Variants in JARID2 observed in about 807,000 individuals in gnomAD.
JARID2 encodes the protein jumonji and AT-rich interaction domain containing 2, also known as protein Jumonji.
JARID2 carries 21 observed loss-of-function variants against 125.6 expected under a neutral mutation model. That is an observed-to-expected ratio of 0.17 (90% confidence interval 0.12 to 0.24). The LOEUF (loss-of-function observed/expected upper bound fraction) is 0.24. JARID2 is among the 10% of genes least tolerant of loss of function. The pLI is 1.00. For synonymous variants in JARID2, 736 were observed against 661.6 expected, an observed-to-expected ratio of 1.11 and a Z score of -1.73; for missense variants, 1,303 against 1,639.6, an observed-to-expected ratio of 0.79 and a Z score of 3.55.
At chr6:15,383,220 CAA>C (rs1424532988) in intron 2 of JARID2, among the ~76,000 whole-genome samples, 2 of 151,428 alleles carry the variant, frequency 1.3e-5, no homozygotes, top group African/African-American at 4.9e-5. Context: ...AGGCTGGCCT[CAA>C]ACCCCTGGGC....
intron 1 of JARID2, among the ~76,000 whole-genome samples, chr6:15,299,896 C>T (rs564871687): frequency 1.8e-4 from 28 of 152,318 alleles, no homozygotes; most frequent in African/African-American, 6.5e-4. Flanking sequence ...ACTTTACCCA[C>T]TGTCCCTTAG....
At chr6:15,470,113 G>A (rs1397906151) in intron 5 of JARID2, among the ~76,000 whole-genome samples, 1 of 150,728 alleles carries the variant, frequency 6.6e-6, no homozygotes, top group Non-Finnish European at 1.5e-5. Flanking sequence ...GGAGGCGGAG[G>A]TTGCAGTGAG....
At chr6:15,330,867 CAG>C (rs1238093779) in intron 1 of JARID2, among the ~76,000 whole-genome samples, 1 of 152,136 alleles carries the variant, frequency 6.6e-6, no homozygotes, top group Non-Finnish European at 1.5e-5. Context: ...CTTGGGGAGA[CAG>C]AATACTTCAA....
intron 1 of JARID2, among the ~76,000 whole-genome samples, chr6:15,312,753 C>T (rs1762056976): frequency 6.6e-6 from 1 of 151,988 alleles, no homozygotes; most frequent in Admixed American, 6.5e-5. Context: ...TTCTTTTTTT[C>T]CCTGTAAGCC....
chr6:15,432,795 T>G (rs1172524066), intron 3 of JARID2, among the ~76,000 whole-genome samples: 1 of 152,216 alleles, frequency 6.6e-6, no homozygotes, highest in East Asian at 1.9e-4. Flanking sequence ...TAAAGTTAGA[T>G]GTTTGGTTTG....
chr6:15,481,325 T>A (rs1366702362), intron 5 of JARID2, among the ~76,000 whole-genome samples: 1 of 152,254 alleles, frequency 6.6e-6, no homozygotes, highest in African/African-American at 2.4e-5. Flanking sequence ...ATGAATGCTT[T>A]TTTTCTCTCC....
At chr6:15,469,294 CTCTG>C (rs1273841445) in intron 5 of JARID2, among the ~76,000 whole-genome samples, 5 of 71,542 alleles carry the variant, frequency 7.0e-5, no homozygotes, top group African/African-American at 2.6e-4. Flanking sequence ...GTCTCTGTCT[CTCTG>C]TCTCTGTCTC....
At chr6:15,378,555 A>T (rs1377181552) in intron 2 of JARID2, among the ~76,000 whole-genome samples, 1 of 152,134 alleles carries the variant, frequency 6.6e-6, no homozygotes, top group Admixed American at 6.5e-5. Context: ...TATGACTGTT[A>T]GATGTGGTAG....
At chr6:15,507,474 G>A in intron 11 of JARID2, 58 bp downstream of exon 11, 1 of 1,453,168 alleles carries the variant, frequency 6.9e-7, no homozygotes, top group Non-Finnish European at 9.6e-7. Flanking sequence ...CCTACTTGCT[G>A]AGAACCAGGG....
At chr6:15,434,703 C>T (rs1346935857) in intron 3 of JARID2, among the ~76,000 whole-genome samples, 3 of 152,208 alleles carry the variant, frequency 2.0e-5, no homozygotes, top group Non-Finnish European at 4.4e-5. Flanking sequence ...ACTCAAGTCA[C>T]TAAATACCCT....
chr6:15,300,768 G>T (rs1316011025), intron 1 of JARID2, among the ~76,000 whole-genome samples: 1 of 150,820 alleles, frequency 6.6e-6, no homozygotes, highest in Non-Finnish European at 1.5e-5. Flanking sequence ...GAGGGGTGGA[G>T]AAAGGGAGCA....
intron 1 of JARID2, among the ~76,000 whole-genome samples, chr6:15,268,655 C>T (rs1273377193): frequency 3.3e-5 from 5 of 152,178 alleles, no homozygotes; most frequent in Non-Finnish European, 7.3e-5. Flanking sequence ...TTTTGCAGCT[C>T]TTTCACATGC....
intron 1 of JARID2, among the ~76,000 whole-genome samples, chr6:15,371,225 A>C (rs1352240503): frequency 6.6e-6 from 1 of 152,160 alleles, no homozygotes; most frequent in Non-Finnish European, 1.5e-5. Context: ...GTTGTAGGGG[A>C]ATAATTCTCT....
intron 4 of JARID2, among the ~76,000 whole-genome samples, chr6:15,456,070 A>G (rs1768163239): frequency 6.6e-6 from 1 of 152,206 alleles, no homozygotes; most frequent in Non-Finnish European, 1.5e-5. Context: ...TTAGTTCTCA[A>G]AGGTAGAGAA....
chr6:15,272,219 G>T (rs528210562), intron 1 of JARID2, among the ~76,000 whole-genome samples: 1 of 152,218 alleles, frequency 6.6e-6, no homozygotes, highest in African/African-American at 2.4e-5. Flanking sequence ...TTTTGGCCCC[G>T]TGGCCCTCTA....
chr6:15,365,423 T>C (rs760816851), intron 1 of JARID2, among the ~76,000 whole-genome samples: 2 of 152,164 alleles, frequency 1.3e-5, no homozygotes, highest in South Asian at 4.1e-4. Flanking sequence ...ACCATGAGCG[T>C]GCGGACGTCT....
At position 15,520,202 on chromosome 6, in the gene JARID2, C is replaced by G. The variant is rs148364412; in HGVS notation, c.3692C>G (p.Ser1231Cys). The G allele has an allele frequency of 2.5e-6, 4 of 1,613,646 alleles. 1 individual carries two copies. In the South Asian group the frequency reaches 3.3e-5, roughly 13 times the overall value. Reference sequence around the variant, plus strand: ...AGAGCGACAGTGGACGTGCCCCCCTCCCGTCTGTCAGCCTCCAGTTCATCC... The same window carrying G: ...AGAGCGACAGTGGACGTGCCCCCCTGCCGTCTGTCAGCCTCCAGTTCATCC... ...RKRATVDVPP[S>C]RLSASSSSKS... Residue 1231 changes from serine (S) to cysteine (C), a missense_variant, in exon 18 of 18, where the codon TCC (serine) becomes TGC (cysteine). Physicochemically the swap from Ser to Cys is moderately radical, Grantham distance 112 (BLOSUM62 -1). Around this residue, in one of 11 missense-constraint regions of JARID2, gnomAD observed 75 missense variants for 66.0 expected, o/e 1.14. Transcript: ENST00000341776.
intron 3 of JARID2, among the ~76,000 whole-genome samples, chr6:15,422,706 T>C (rs1470133414): frequency 6.6e-6 from 1 of 152,220 alleles, no homozygotes; most frequent in Non-Finnish European, 1.5e-5. Context: ...ACCATGGGTG[T>C]CTACACAATA....
At chr6:15,249,497 G>A (rs1759352663) in intron 1 of JARID2, among the ~76,000 whole-genome samples, 3 of 152,224 alleles carry the variant, frequency 2.0e-5, no homozygotes, top group Admixed American at 2.0e-4. Context: ...AGGGAAACCA[G>A]AGGCTGGCGT....
Sources: allele counts gnomAD v4.1 joint callset (sites outside exome capture counted in the v4.1 genomes callset), GRCh38; gene constraint gnomAD v4.1.1; regional missense constraint gnomAD v4.1.1; transcripts MANE v1.5; gene names NCBI Gene and HGNC (gene_info 2026-07-23, HGNC 2026-07-21).